The following AHCYL2 variants were observed in gnomAD, a reference collection of about 807,000 sequenced individuals.
The protein encoded by AHCYL2 is adenosylhomocysteinase like 2, also known as S-adenosylhomocysteine hydrolase-like protein 2.
A neutral mutation model predicts 81.4 loss-of-function variants in AHCYL2; 28 were observed. The observed-to-expected ratio is 0.34, with a 90% CI of 0.25 to 0.47. The LOEUF (loss-of-function observed/expected upper bound fraction) is 0.47, where lower values mean the gene tolerates loss of function less well. Among genes scored for constraint, AHCYL2 ranks in the 20% least tolerant of loss-of-function variants. The pLI is 1.00. For synonymous variants in AHCYL2, 272 were observed against 290.2 expected (o/e 0.94, Z 0.64); for missense variants, 551 against 785.1 (o/e 0.70, Z 3.56).
intron 13 of AHCYL2, chr7:129,424,590 T>C (rs1020938271): frequency 2.1e-6 from 1 of 485,644 alleles, no homozygotes; most frequent in Non-Finnish European, 3.8e-6. Flanking sequence ...TCAAGAGAAG[T>C]ACACTGATAT....
Position 129,414,089 on chromosome 7 carries a change from G to A in AHCYL2, c.1461+401G>A, listed in dbSNP as rs552396741. On this transcript the variant is annotated intron_variant, in intron 12 of 16. Coordinates refer to ENST00000325006, the MANE Select transcript of AHCYL2 (RefSeq NM_015328.4). Reference sequence around the variant, plus strand: ...ACCATAAAGATGAGATAAGTAGGTTGGTCCAAGGAAATAAGGGAGAGAAAT... The same window carrying A: ...ACCATAAAGATGAGATAAGTAGGTTAGTCCAAGGAAATAAGGGAGAGAAAT... Among the ~76,000 whole-genome samples the A allele has an allele frequency of 3.3e-5, 5 of 152,266 alleles. No individual in the cohort carries two copies. In the South Asian group the frequency reaches 1.0e-3, roughly 32 times the overall value.
intron 1 of AHCYL2, among the ~76,000 whole-genome samples, chr7:129,332,583 G>A (rs1675602419): frequency 6.6e-6 from 1 of 152,204 alleles, no homozygotes; most frequent in Non-Finnish European, 1.5e-5. Flanking sequence ...CACACAGTGA[G>A]CAATTCCCCA....
intron 1 of AHCYL2, among the ~76,000 whole-genome samples, chr7:129,324,202 A>G (rs1216885497): frequency 6.6e-6 from 1 of 151,882 alleles, no homozygotes; most frequent in Non-Finnish European, 1.5e-5. Flanking sequence ...TTTGATTAAT[A>G]TTAGCATAGT....
intron 1 of AHCYL2, among the ~76,000 whole-genome samples, chr7:129,238,031 T>G (rs1794702225): frequency 6.6e-6 from 1 of 152,116 alleles, no homozygotes; most frequent in African/African-American, 2.4e-5. Flanking sequence ...ATTATTATGA[T>G]TTTAAGGCCT....
intron 1 of AHCYL2, among the ~76,000 whole-genome samples, chr7:129,292,762 G>A (rs1796912136): frequency 6.6e-6 from 1 of 151,088 alleles, no homozygotes. Context: ...GTGAGACTCT[G>A]TCTTAAAAAA....
chr7:129,374,504 TAAA>T (rs113939567), intron 1 of AHCYL2, among the ~76,000 whole-genome samples: 1 of 141,804 alleles, frequency 7.1e-6, no homozygotes, highest in Admixed American at 7.1e-5. Flanking sequence ...AGATTATCCT[TAAA>T]AAAAAAAAAA....
At chr7:129,315,846 A>C (rs1797809998) in intron 1 of AHCYL2, among the ~76,000 whole-genome samples, 1 of 152,252 alleles carries the variant, frequency 6.6e-6, no homozygotes, top group Non-Finnish European at 1.5e-5. Flanking sequence ...ATGGTCAGTT[A>C]TGAAAATTAG....
chr7:129,253,358 C>A (rs1162801732), intron 1 of AHCYL2, among the ~76,000 whole-genome samples: 1 of 152,164 alleles, frequency 6.6e-6, no homozygotes, highest in Non-Finnish European at 1.5e-5. Context: ...GAAGAATACT[C>A]TTTTTAGAGC....
At chr7:129,274,663 C>T (rs1364628329) in intron 1 of AHCYL2, among the ~76,000 whole-genome samples, 1 of 152,076 alleles carries the variant, frequency 6.6e-6, no homozygotes, top group Non-Finnish European at 1.5e-5. Flanking sequence ...TGCCTGTGCC[C>T]GTTGGAATCC....
chr7:129,347,571 C>T (rs1409490624), intron 1 of AHCYL2, among the ~76,000 whole-genome samples: 1 of 152,184 alleles, frequency 6.6e-6, no homozygotes, highest in African/African-American at 2.4e-5. Context: ...TATGTGTTCA[C>T]TTGTGGCTTA....
At chr7:129,392,392 A>G (rs1446855322) in intron 4 of AHCYL2, among the ~76,000 whole-genome samples, 1 of 152,230 alleles carries the variant, frequency 6.6e-6, no homozygotes, top group Non-Finnish European at 1.5e-5. Flanking sequence ...CCTGTTCCTT[A>G]TAGATGGCGC....
chr7:129,253,143 G>T (rs1795298064), intron 1 of AHCYL2, among the ~76,000 whole-genome samples: 1 of 151,856 alleles, frequency 6.6e-6, no homozygotes, highest in South Asian at 2.1e-4. Context: ...GGAGGTGGAG[G>T]TTGCAGTGAG....
At chr7:129,344,367 GATAA>G (rs1263485941) in intron 1 of AHCYL2, among the ~76,000 whole-genome samples, 7 of 152,030 alleles carry the variant, frequency 4.6e-5, no homozygotes, top group African/African-American at 1.7e-4. Flanking sequence ...TAAATGAATG[GATAA>G]ATAAAGTATG....
intron 1 of AHCYL2, chr7:129,351,720 C>G (rs1408806922): frequency 2.0e-5 from 3 of 152,200 alleles, no homozygotes; most frequent in Admixed American, 6.5e-5. Flanking sequence ...CCAGACCTCA[C>G]AGTGGTCTCG....
chr7:129,281,387 T>G (rs1293709597), intron 1 of AHCYL2, among the ~76,000 whole-genome samples: 1 of 152,134 alleles, frequency 6.6e-6, no homozygotes, highest in Non-Finnish European at 1.5e-5. Flanking sequence ...TAGGAAATGT[T>G]TCTTCTTTTC....
intron 1 of AHCYL2, among the ~76,000 whole-genome samples, chr7:129,359,651 C>G (rs1793863608): frequency 6.6e-6 from 1 of 152,194 alleles, no homozygotes. Flanking sequence ...CACTCTTATT[C>G]TTGTTGTTTT....
chr7:129,322,409 G>C (rs1177500017), intron 1 of AHCYL2, among the ~76,000 whole-genome samples: 1 of 149,492 alleles, frequency 6.7e-6, no homozygotes, highest in Non-Finnish European at 1.5e-5. Flanking sequence ...CAAAGTGCTG[G>C]GATTACAGGC....
chr7:129,345,063 G>T (rs949727703), intron 1 of AHCYL2, among the ~76,000 whole-genome samples: 15 of 152,092 alleles, frequency 9.9e-5, no homozygotes, highest in Non-Finnish European at 1.8e-4. Context: ...GTTGAGGCAG[G>T]AAAATCACTT....
chr7:129,361,806 T>A (rs1052897372), intron 1 of AHCYL2, among the ~76,000 whole-genome samples: 5 of 149,984 alleles, frequency 3.3e-5, no homozygotes, highest in Non-Finnish European at 7.5e-5. Flanking sequence ...TTTTTTTTTT[T>A]AAGAGATGGG....
Sources: gnomAD v4.1 joint callset for allele counts (sites outside exome capture counted in the v4.1 genomes callset) on GRCh38, gnomAD v4.1.1 for gene constraint, MANE v1.5 for transcripts, NCBI Gene and HGNC (gene_info 2026-07-23, HGNC 2026-07-21) for gene names.